RGL1: variants seen among roughly 807,000 people sequenced by gnomAD.
RGL1 encodes ral guanine nucleotide dissociation stimulator like 1.
A neutral mutation model predicts 95.2 loss-of-function variants in RGL1; 24 were observed. The ratio of observed to expected loss-of-function variants is 0.25; its 90% CI spans 0.18 to 0.35. RGL1 has a LOEUF of 0.35. Ranked by LOEUF, RGL1 falls within the 10% of genes least tolerant of loss-of-function variation. The pLI, the probability that RGL1 is intolerant of heterozygous loss-of-function variation, is 1.00. For missense variants in RGL1, 715 were observed against 936.3 expected, an observed-to-expected ratio of 0.76 and a Z score of 3.08; for synonymous variants, 329 against 344.9, an observed-to-expected ratio of 0.95 and a Z score of 0.51.
chr1:183,852,355 G>A (rs1664873734), intron 3 of RGL1, among the ~76,000 whole-genome samples: 1 of 152,092 alleles, frequency 6.6e-6, no homozygotes, highest in Admixed American at 6.6e-5. Context: ...CCCTTACTTG[G>A]GGTGATCATT....
chr1:183,839,072 T>G (rs990605299), intron 2 of RGL1, among the ~76,000 whole-genome samples: 1 of 152,206 alleles, frequency 6.6e-6, no homozygotes, highest in African/African-American at 2.4e-5. Context: ...CCATCATAGA[T>G]CAGACGATGT....
chr1:183,718,963 C>T (rs1371318750), intron 1 of RGL1, among the ~76,000 whole-genome samples: 1 of 151,924 alleles, frequency 6.6e-6, no homozygotes, highest in Admixed American at 6.6e-5. Flanking sequence ...ACAAAAAGCA[C>T]CTAAGAAGGA....
At chr1:183,874,401 T>C (rs1442290816) in intron 4 of RGL1, among the ~76,000 whole-genome samples, 2 of 152,238 alleles carry the variant, frequency 1.3e-5, no homozygotes, top group Non-Finnish European at 2.9e-5. Context: ...CTTTGGGTAA[T>C]TGGCTTCAGG....
intron 1 of RGL1, among the ~76,000 whole-genome samples, chr1:183,715,165 T>A (rs1336493854): frequency 6.6e-6 from 1 of 152,226 alleles, no homozygotes; most frequent in Admixed American, 6.5e-5. Context: ...CAAAAGTTAC[T>A]GCCCAGTTTC....
chr1:183,680,753 A>C (rs180809611), intron 1 of RGL1, among the ~76,000 whole-genome samples: 9 of 152,290 alleles, frequency 5.9e-5, no homozygotes, highest in African/African-American at 2.2e-4. Context: ...CATTGAATCT[A>C]TAAATTATTT....
chr1:183,839,160 C>T (rs1663864841), intron 2 of RGL1, among the ~76,000 whole-genome samples: 1 of 152,216 alleles, frequency 6.6e-6, no homozygotes, highest in African/African-American at 2.4e-5. Flanking sequence ...TTTTGGTACT[C>T]ATCCAGATAC....
chr1:183,766,854 G>A (rs1658993256), intron 2 of RGL1, among the ~76,000 whole-genome samples: 1 of 151,908 alleles, frequency 6.6e-6, no homozygotes, highest in South Asian at 2.1e-4. Flanking sequence ...AGCAAATGAT[G>A]AATGTTGGAA....
chr1:183,688,456 A>AAGAGAG (rs57516940), intron 1 of RGL1, among the ~76,000 whole-genome samples: 5 of 149,998 alleles, frequency 3.3e-5, no homozygotes, highest in Non-Finnish European at 7.4e-5. Flanking sequence ...GGATCTACTG[A>AAGAGAG]AGAGAGAGAG....
chr1:183,780,032 TAGTG>T (rs1659815242), intron 2 of RGL1, among the ~76,000 whole-genome samples: 1 of 152,172 alleles, frequency 6.6e-6, no homozygotes, highest in African/African-American at 2.4e-5. Flanking sequence ...ATAAAATACT[TAGTG>T]AGATATAAAG....
intron 1 of RGL1, among the ~76,000 whole-genome samples, chr1:183,706,838 T>C (rs1654946162): frequency 6.6e-6 from 1 of 152,160 alleles, no homozygotes; most frequent in Non-Finnish European, 1.5e-5. Context: ...AGGTCTCGTG[T>C]GGTTTGAAGG....
chr1:183,856,844 G>A (rs1665186149), intron 3 of RGL1, among the ~76,000 whole-genome samples: 1 of 151,904 alleles, frequency 6.6e-6, no homozygotes, highest in African/African-American at 2.4e-5. Flanking sequence ...CTTTGATAGG[G>A]GATGCCTTTC....
rs998885321 is a variant in RGL1, at chr1:183,927,783, C to T, written c.*1491C>T. The T allele has an allele frequency of 6.6e-5, 10 of 152,598 alleles. No individual in the cohort carries two copies. The highest frequency in any genetic ancestry group is 2.4e-4 in the African/African-American group (10 of 41,536). 9.5% of individuals were successfully genotyped at this position (152,598 alleles called of 1,614,324 possible). ...ATTCCAAAAATTTAGAGAACAAACC[C>T]GGAATATGAAGTGCAGATTGTAACA... On this transcript the variant is annotated 3_prime_UTR_variant, in exon 18 of 18. Transcript: ENST00000360851.
At position 183,778,415 on chromosome 1, in the gene RGL1, T is replaced by A. The variant is rs554193695; in HGVS notation, c.133-27960T>A. Among the ~76,000 whole-genome samples, 16 of 152,342 alleles carry A rather than the reference T, an allele frequency of 1.1e-4. No homozygotes were observed. The South Asian group carries it at 3.1e-3, about 30-fold the overall frequency. On this transcript the variant is annotated intron_variant, in intron 2 of 18. Coordinates refer to the RGL1 transcript ENST00000304685. The stretch of plus-strand genomic sequence containing the variant: ...GGAAGACATAAAAGAGTAGGGGTTT[T>A]CCTAGTGACCTCATAAACAAGTAGT...
intron 1 of RGL1, among the ~76,000 whole-genome samples, chr1:183,676,464 A>G (rs755494744): frequency 2.6e-5 from 4 of 151,790 alleles, no homozygotes; most frequent in Admixed American, 6.6e-5. Context: ...CCACTCATCC[A>G]TATGTATCAC....
At chr1:183,744,859 G>T (rs78082089) in intron 2 of RGL1, among the ~76,000 whole-genome samples, 1,896 of 151,606 alleles carry the variant, frequency 0.013, 48 homozygotes, top group African/African-American at 0.044. Flanking sequence ...ATTTTTCCTC[G>T]TGAACATATG....
At chr1:183,662,449 C>T (rs1651711292) in intron 1 of RGL1, among the ~76,000 whole-genome samples, 1 of 152,130 alleles carries the variant, frequency 6.6e-6, no homozygotes, top group Admixed American at 6.5e-5. Flanking sequence ...CTTGAGTGAA[C>T]TCCCATTCAC....
intron 16 of RGL1, among the ~76,000 whole-genome samples, chr1:183,918,284 C>T (rs914784195): frequency 2.6e-5 from 4 of 151,990 alleles, no homozygotes; most frequent in East Asian, 1.9e-4. Flanking sequence ...CGTGGTCTCG[C>T]GAGACTGAGT....
chr1:183,849,816 A>G (rs886855832), intron 3 of RGL1, among the ~76,000 whole-genome samples: 2 of 152,106 alleles, frequency 1.3e-5, no homozygotes, highest in African/African-American at 2.4e-5. Flanking sequence ...TGTAAACAGT[A>G]CTGCAAGGAG....
intron 3 of RGL1, among the ~76,000 whole-genome samples, chr1:183,863,919 C>T (rs921855835): frequency 6.6e-6 from 1 of 152,160 alleles, no homozygotes. Flanking sequence ...TCAGAAGATG[C>T]TACCAGGTTA....
Sources: gnomAD v4.1 joint callset for allele counts (sites outside exome capture counted in the v4.1 genomes callset) on GRCh38, gnomAD v4.1.1 for gene constraint, MANE v1.5 for transcripts, NCBI Gene and HGNC (gene_info 2026-07-23, HGNC 2026-07-21) for gene names.